The following IMMP2L variants were observed in gnomAD, a reference collection of about 807,000 sequenced individuals.
IMMP2L encodes inner mitochondrial membrane peptidase subunit 2.
In IMMP2L, 18 loss-of-function variants were observed where a neutral mutation model predicts 19.3. The ratio of observed to expected loss-of-function variants is 0.93; its 90% CI spans 0.64 to 1.38. The LOEUF is 1.38. Ranked by LOEUF, IMMP2L falls within the 40% of genes most tolerant of loss-of-function variation. The pLI is 0.00. For synonymous variants in IMMP2L, 76 were observed against 73.0 expected (o/e 1.04, Z -0.21); for missense variants, 233 against 218.2 (o/e 1.07, Z -0.43).
chr7:110,813,483 A>T (rs1426051030), intron 5 of IMMP2L, among the ~76,000 whole-genome samples: 1 of 151,222 alleles, frequency 6.6e-6, no homozygotes, highest in African/African-American at 2.4e-5. Context: ...GCTACAGTAC[A>T]GTGGTGTGAT....
intron 3 of IMMP2L, among the ~76,000 whole-genome samples, chr7:111,441,948 C>T (rs1294065544): frequency 6.6e-6 from 1 of 151,618 alleles, no homozygotes; most frequent in Non-Finnish European, 1.5e-5. Flanking sequence ...ACCACCCTGG[C>T]CAACATGGTG....
intron 1 of IMMP2L, among the ~76,000 whole-genome samples, chr7:111,542,662 T>C (rs955301703): frequency 1.3e-5 from 2 of 152,174 alleles, no homozygotes; most frequent in Non-Finnish European, 2.9e-5. Context: ...AGCATTCAGA[T>C]ACTACTTATT....
chr7:111,203,437 C>T, intron 3 of IMMP2L, among the ~76,000 whole-genome samples: 1 of 151,728 alleles, frequency 6.6e-6, no homozygotes, highest in East Asian at 1.9e-4. Flanking sequence ...AAGATAGATA[C>T]AGATTATTGG....
At chr7:111,285,535 G>A (rs376703196) in intron 3 of IMMP2L, among the ~76,000 whole-genome samples, 70 of 151,996 alleles carry the variant, frequency 4.6e-4, no homozygotes, top group African/African-American at 1.6e-3. Context: ...ACTTAAGGGA[G>A]AAAAAAAGCA....
intron 3 of IMMP2L, among the ~76,000 whole-genome samples, chr7:111,095,442 T>C (rs1033272591): frequency 5.3e-5 from 8 of 151,912 alleles, no homozygotes; most frequent in African/African-American, 1.4e-4. Flanking sequence ...AATTCACAGA[T>C]ATGTACAAAA....
rs745787215 is a variant in IMMP2L, at chr7:111,124,166, T to C, written c.240-160601A>G. 20 of 1,613,800 alleles carry C rather than the reference T, an allele frequency of 1.2e-5. No homozygotes were observed. In the Admixed American group the frequency reaches 1.7e-4, roughly 13 times the overall value. On this transcript the variant is annotated intron_variant, in intron 3 of 5. Transcript: ENST00000405709. ...ATAACACCTTCTGGTCAAAAACTCT[T>C]GCCTAATACCCTGACAGACAAGTTC...
chr7:111,482,482 TC>T (rs1842277691), intron 3 of IMMP2L, among the ~76,000 whole-genome samples: 1 of 152,058 alleles, frequency 6.6e-6, no homozygotes, highest in Non-Finnish European at 1.5e-5. Flanking sequence ...CCATCGTCCT[TC>T]CTTTCTAGCT....
intron 5 of IMMP2L, among the ~76,000 whole-genome samples, chr7:110,835,016 T>C (rs564557653): frequency 6.6e-6 from 1 of 152,136 alleles, no homozygotes; most frequent in South Asian, 2.1e-4. Context: ...AGCATTCACC[T>C]GAAAATTTTT....
chr7:111,460,906 A>G (rs1440115418), intron 3 of IMMP2L, among the ~76,000 whole-genome samples: 1 of 152,106 alleles, frequency 6.6e-6, no homozygotes, highest in Non-Finnish European at 1.5e-5. Context: ...GCATTTTAGT[A>G]TAGTTCCTTC....
At chr7:110,785,712 A>C (rs1007290567) in intron 5 of IMMP2L, among the ~76,000 whole-genome samples, 2 of 151,946 alleles carry the variant, frequency 1.3e-5, no homozygotes, top group African/African-American at 4.8e-5. Flanking sequence ...AACCATATCC[A>C]CTTAATTTTA....
intron 5 of IMMP2L, among the ~76,000 whole-genome samples, chr7:110,844,631 T>C (rs978668624): frequency 3.4e-5 from 5 of 148,794 alleles, no homozygotes; most frequent in African/African-American, 1.3e-4. Context: ...TTTAGAAAGA[T>C]AAATCTAGTC....
chr7:111,088,966 T>A (rs1796582480), intron 3 of IMMP2L, among the ~76,000 whole-genome samples: 1 of 152,140 alleles, frequency 6.6e-6, no homozygotes, highest in Non-Finnish European at 1.5e-5. Flanking sequence ...CATTAAAATC[T>A]CATTTCTAGT....
intron 3 of IMMP2L, among the ~76,000 whole-genome samples, chr7:111,217,122 TCTCTCACACA>T (rs1271618315): frequency 1.4e-5 from 2 of 140,396 alleles, no homozygotes; most frequent in East Asian, 2.0e-4. Context: ...TCTCTCTCTC[TCTCTCACACA>T]CACACACACA....
intron 5 of IMMP2L, among the ~76,000 whole-genome samples, chr7:110,702,039 T>C (rs1562926573): frequency 6.6e-6 from 1 of 151,936 alleles, no homozygotes; most frequent in Non-Finnish European, 1.5e-5. Flanking sequence ...AAGCAATCCT[T>C]CTACCTCAGC....
chr7:110,843,886 G>T (rs919649082), intron 5 of IMMP2L, among the ~76,000 whole-genome samples: 15 of 152,128 alleles, frequency 9.9e-5, no homozygotes, highest in Non-Finnish European at 2.2e-4. Context: ...AGAGAGGGTG[G>T]CCAGGGTGGC....
At chr7:111,422,083 ATC>A (rs1223112589) in intron 3 of IMMP2L, among the ~76,000 whole-genome samples, 4 of 151,694 alleles carry the variant, frequency 2.6e-5, no homozygotes, top group Non-Finnish European at 4.4e-5. Context: ...ATTGGTCTAT[ATC>A]TCTGTTTTGG....
intron 5 of IMMP2L, among the ~76,000 whole-genome samples, chr7:110,882,287 G>GCCTTCCTTCCTTCCTTCCTTCCTT (rs111710073): frequency 1.6e-5 from 2 of 122,068 alleles, no homozygotes; most frequent in African/African-American, 6.6e-5. Flanking sequence ...TTTGTCAAGT[G>GCCTTCCTTCCTTCCTTCCTTCCTT]CCTTCCTTCC....
chr7:110,696,550 C>T (rs143770526), intron 5 of IMMP2L, among the ~76,000 whole-genome samples: 4,151 of 151,820 alleles, frequency 0.027, 71 homozygotes, highest in Middle Eastern at 0.096. Flanking sequence ...CCTCAGCCTC[C>T]TGAGTAGGTG....
At chr7:111,333,910 G>A (rs1366281500) in intron 3 of IMMP2L, among the ~76,000 whole-genome samples, 1 of 151,878 alleles carries the variant, frequency 6.6e-6, no homozygotes, top group Non-Finnish European at 1.5e-5. Flanking sequence ...AATAAACTCC[G>A]CTTTATATAC....
Sources: allele counts gnomAD v4.1 joint callset (sites outside exome capture counted in the v4.1 genomes callset), GRCh38; gene constraint gnomAD v4.1.1; transcripts MANE v1.5; gene names NCBI Gene and HGNC (gene_info 2026-07-23, HGNC 2026-07-21).